The following PCDH9 variants were observed in gnomAD, a reference collection of about 807,000 sequenced individuals.
PCDH9 encodes protocadherin-9.
A neutral mutation model predicts 70.6 loss-of-function variants in PCDH9; 24 were observed. The observed-to-expected ratio is 0.34, with a 90% CI of 0.25 to 0.48. PCDH9 has a LOEUF of 0.48. PCDH9 is among the 20% of genes least tolerant of loss of function. The pLI is 0.99. For missense variants in PCDH9, 1,281 were observed against 1,503.6 expected, an observed-to-expected ratio of 0.85 and a Z score of 2.45; for synonymous variants, 562 against 558.5, an observed-to-expected ratio of 1.01 and a Z score of -0.09.
At chr13:66,909,997 C>G (rs973793004) in intron 2 of PCDH9, among the ~76,000 whole-genome samples, 1 of 152,142 alleles carries the variant, frequency 6.6e-6, no homozygotes, top group Non-Finnish European at 1.5e-5. Flanking sequence ...CTTGACCCTA[C>G]AGATAATGCT....
chr13:66,703,724 C>T (rs868696188), intron 3 of PCDH9, among the ~76,000 whole-genome samples: 8 of 151,694 alleles, frequency 5.3e-5, no homozygotes, highest in South Asian at 2.1e-4. Flanking sequence ...GTGAGACCCC[C>T]GTCTCTAAAA....
At chr13:66,917,927 T>C (rs901009934) in intron 2 of PCDH9, among the ~76,000 whole-genome samples, 1 of 151,236 alleles carries the variant, frequency 6.6e-6, no homozygotes, top group Non-Finnish European at 1.5e-5. Context: ...ACAAAACAGG[T>C]ACATTAGGAA....
At chr13:66,849,486 GTATATATATATATATA>G (rs144181181) in intron 3 of PCDH9, among the ~76,000 whole-genome samples, 6 of 90,264 alleles carry the variant, frequency 6.6e-5, no homozygotes, top group Admixed American at 4.2e-4. Context: ...TCATAGGTAG[GTATATATATATATATA>G]TATATATATA....
intron 4 of PCDH9, among the ~76,000 whole-genome samples, chr13:66,483,080 A>G (rs1958870205): frequency 6.6e-6 from 1 of 152,228 alleles, no homozygotes; most frequent in Non-Finnish European, 1.5e-5. Context: ...ATGCTAGAAA[A>G]AAATATTCTT....
intron 4 of PCDH9, chr13:66,323,281 T>G (rs1397913400): frequency 1.3e-5 from 2 of 151,954 alleles, no homozygotes; most frequent in East Asian, 3.8e-4. Flanking sequence ...TTGGCATTAC[T>G]TCAAAAATTA....
chr13:67,222,451 A>T (rs1413915827), intron 2 of PCDH9: 1 of 152,140 alleles, frequency 6.6e-6, no homozygotes, highest in Non-Finnish European at 1.5e-5. Context: ...AGGTTAACAC[A>T]AGGGAAAACA....
chr13:66,950,173 TA>T (rs1391701447), intron 2 of PCDH9, among the ~76,000 whole-genome samples: 4 of 152,126 alleles, frequency 2.6e-5, no homozygotes, highest in Non-Finnish European at 1.5e-5. Flanking sequence ...AGCTACAGTT[TA>T]AGAATGGTTG....
At chr13:66,835,314 G>A (rs1379187658) in intron 3 of PCDH9, among the ~76,000 whole-genome samples, 3 of 152,150 alleles carry the variant, frequency 2.0e-5, no homozygotes, top group Admixed American at 6.5e-5. Flanking sequence ...TGACATAATC[G>A]AGCTCGGCTC....
At chr13:66,820,652 G>T (rs1236695304) in intron 3 of PCDH9, among the ~76,000 whole-genome samples, 2 of 152,086 alleles carry the variant, frequency 1.3e-5, no homozygotes, top group East Asian at 3.9e-4. Context: ...TATACACCAT[G>T]GAATACTATG....
intron 2 of PCDH9, among the ~76,000 whole-genome samples, chr13:66,971,911 G>A (rs1009082502): frequency 6.6e-5 from 10 of 151,834 alleles, no homozygotes; most frequent in East Asian, 3.9e-4. Flanking sequence ...TATTGTTAAA[G>A]GTGTACCATA....
chr13:66,711,889 C>G (rs1288254635), intron 3 of PCDH9, among the ~76,000 whole-genome samples: 2 of 152,128 alleles, frequency 1.3e-5, no homozygotes, highest in Admixed American at 6.5e-5. Flanking sequence ...TGCTGAGATT[C>G]AATTCAAACT....
At chr13:66,589,212 TAGAA>T (rs2077006349) in intron 4 of PCDH9, among the ~76,000 whole-genome samples, 1 of 152,064 alleles carries the variant, frequency 6.6e-6, no homozygotes, top group South Asian at 2.1e-4. Flanking sequence ...ATTTACAGAT[TAGAA>T]AGAGCCACTG....
chr13:67,090,795 T>A (rs1171139469), intron 2 of PCDH9, among the ~76,000 whole-genome samples: 1 of 152,122 alleles, frequency 6.6e-6, no homozygotes, highest in Non-Finnish European at 1.5e-5. Context: ...GCTCACATTT[T>A]TAAACTTATG....
At chr13:66,442,973 G>A (rs1447372314) in intron 4 of PCDH9, among the ~76,000 whole-genome samples, 1 of 152,106 alleles carries the variant, frequency 6.6e-6, no homozygotes, top group Non-Finnish European at 1.5e-5. Flanking sequence ...GGTTTACACA[G>A]CTGCAGAAAC....
chr13:66,879,638 T>C (rs1052139650), intron 3 of PCDH9, among the ~76,000 whole-genome samples: 2 of 152,176 alleles, frequency 1.3e-5, no homozygotes, highest in Non-Finnish European at 2.9e-5. Context: ...GAAGTACATT[T>C]CCTCACCTTG....
intron 2 of PCDH9, among the ~76,000 whole-genome samples, chr13:67,103,365 G>C (rs530567000): frequency 1.2e-4 from 18 of 151,968 alleles, no homozygotes; most frequent in Non-Finnish European, 1.8e-4. Context: ...AAACTGAAAG[G>C]CTTTAAAATC....
chr13:66,412,540 CT>C (rs1355889608), intron 4 of PCDH9, among the ~76,000 whole-genome samples: 1 of 152,114 alleles, frequency 6.6e-6, no homozygotes, highest in Admixed American at 6.5e-5. Context: ...TTTGCAGCCA[CT>C]TTTTATTTAT....
chr13:66,497,217 T>A lies in PCDH9; in HGVS notation c.3340+133993A>T, dbSNP rs535248117. 3.3e-5 allele frequency among the ~76,000 whole-genome samples: 5 copies of A among 152,076 alleles called. No individual in the cohort carries two copies. The South Asian group carries it at 6.2e-4, about 19-fold the overall frequency. ...CCAAATAGCTGTGACCACAAGCATG[T>A]GTCACCACACCTGGCTATTTTTTTT... On this transcript the variant is annotated intron_variant, in intron 4 of 4. Transcript: ENST00000377865.
At chr13:66,868,762 T>C (rs975715871) in intron 3 of PCDH9, among the ~76,000 whole-genome samples, 1 of 152,148 alleles carries the variant, frequency 6.6e-6, no homozygotes, top group Non-Finnish European at 1.5e-5. Flanking sequence ...TTGGTAAATT[T>C]TGTTCACTTC....
Sources: allele counts gnomAD v4.1 joint callset (sites outside exome capture counted in the v4.1 genomes callset), GRCh38; gene constraint gnomAD v4.1.1; transcripts MANE v1.5; gene names NCBI Gene and HGNC (gene_info 2026-07-23, HGNC 2026-07-21).